The following PPM1H variants were observed in gnomAD, a reference collection of about 807,000 sequenced individuals.
The protein encoded by PPM1H is protein phosphatase 1H.
PPM1H carries 27 observed loss-of-function variants against 54.9 expected under a neutral mutation model. The ratio of observed to expected loss-of-function variants is 0.49; its 90% CI spans 0.36 to 0.68. The LOEUF is 0.68. Among genes scored for constraint, PPM1H ranks in the 30% least tolerant of loss-of-function variants. The pLI is 0.00. For missense variants in PPM1H, 596 were observed against 667.8 expected, an observed-to-expected ratio of 0.89 and a Z score of 1.19; for synonymous variants, 305 against 270.8, an observed-to-expected ratio of 1.13 and a Z score of -1.24.
chr12:62,771,637 C>T (rs2076580719), intron 4 of PPM1H, among the ~76,000 whole-genome samples: 1 of 152,146 alleles, frequency 6.6e-6, no homozygotes, highest in Admixed American at 6.5e-5. Context: ...TTACTATCTG[C>T]AGTAGTAGCA....
intron 1 of PPM1H, among the ~76,000 whole-genome samples, chr12:62,858,661 C>T (rs1475471295): frequency 6.6e-6 from 1 of 152,162 alleles, no homozygotes; most frequent in East Asian, 1.9e-4. Flanking sequence ...TCAAATTTTA[C>T]ACTGTGTCTA....
At position 62,730,501 on chromosome 12, in the gene PPM1H, T is replaced by G. The variant is rs116751522; in HGVS notation, c.954+7001A>C. On this transcript the variant is annotated intron_variant, in intron 5 of 9. Transcript: ENST00000228705. ...TAAATAAGATAAATGAGATGGCAGA[T>G]TCCACGACAGAAAATCTTTTGTAAA... 3.8e-3 allele frequency among the ~76,000 whole-genome samples: 583 copies of G among 152,320 alleles called. 5 individuals carry two copies. The highest frequency in any genetic ancestry group is 0.013 in the African/African-American group (545 of 41,572).
intron 4 of PPM1H, among the ~76,000 whole-genome samples, chr12:62,767,103 G>A (rs2076548398): frequency 1.3e-5 from 2 of 152,224 alleles, no homozygotes; most frequent in South Asian, 4.1e-4. Context: ...CTGCAGAGAG[G>A]TGGGAGGCTG....
At chr12:62,833,478 A>T (rs1276193052) in intron 1 of PPM1H, among the ~76,000 whole-genome samples, 1 of 152,156 alleles carries the variant, frequency 6.6e-6, no homozygotes, top group Non-Finnish European at 1.5e-5. Context: ...ACAGTACAAT[A>T]TCAAAACTGA....
In PPM1H at chr12:62,739,133, CTG is replaced by C. The variant is rs991003368; in HGVS notation, c.870-1549_870-1548del. ...AAATGGAAAAGTTTAGGGGAACTGA[CTG>C]TGAGAAGATGAGGCCTCTTATAATA... is the stretch of plus-strand genomic sequence containing the variant. On this transcript the variant is annotated intron_variant, in intron 4 of 9. Coordinates refer to ENST00000228705, the MANE Select transcript of PPM1H (RefSeq NM_020700.2). Among the ~76,000 whole-genome samples the C allele has an allele frequency of 2.6e-4, 40 of 151,794 alleles. No individual in the cohort carries two copies. The Middle Eastern group carries it at 0.014, about 52-fold the overall frequency.
intron 4 of PPM1H, among the ~76,000 whole-genome samples, chr12:62,775,053 C>G (rs1265820250): frequency 6.6e-6 from 1 of 152,190 alleles, no homozygotes; most frequent in East Asian, 1.9e-4. Context: ...AATAGGGGCC[C>G]TGCAACTTTC....
intron 2 of PPM1H, among the ~76,000 whole-genome samples, chr12:62,828,016 G>A (rs1868309224): frequency 6.6e-6 from 1 of 152,110 alleles, no homozygotes; most frequent in Non-Finnish European, 1.5e-5. Flanking sequence ...AGTTCAATAT[G>A]TTCAGTGGGT....
chr12:62,706,815 T>G (rs117358209), intron 6 of PPM1H, among the ~76,000 whole-genome samples: 4 of 152,158 alleles, frequency 2.6e-5, no homozygotes, highest in African/African-American at 9.7e-5. Context: ...ATTCTCTTCC[T>G]AAAATTAAAT....
At chr12:62,735,596 A>C (rs1163738294) in intron 5 of PPM1H, among the ~76,000 whole-genome samples, 1 of 152,178 alleles carries the variant, frequency 6.6e-6, no homozygotes, top group Admixed American at 6.5e-5. Flanking sequence ...GAATACTGGC[A>C]ATATGAGGTG....
At chr12:62,654,883 G>A (rs988634982) in intron 9 of PPM1H, among the ~76,000 whole-genome samples, 5 of 152,210 alleles carry the variant, frequency 3.3e-5, no homozygotes, top group African/African-American at 1.2e-4. Context: ...TGAGGGAGAA[G>A]TTTAGGGAAG....
intron 4 of PPM1H, among the ~76,000 whole-genome samples, chr12:62,762,450 T>C (rs867918725): frequency 6.6e-6 from 1 of 152,330 alleles, no homozygotes; most frequent in Non-Finnish European, 1.5e-5. Context: ...CATTCAATTG[T>C]AGACTCTGTT....
intron 4 of PPM1H, among the ~76,000 whole-genome samples, chr12:62,749,149 C>A (rs937577889): frequency 6.6e-6 from 1 of 152,192 alleles, no homozygotes; most frequent in African/African-American, 2.4e-5. Context: ...TTGAGCAAGG[C>A]CCCCAATGTA....
intron 2 of PPM1H, among the ~76,000 whole-genome samples, chr12:62,829,929 C>T (rs763604947): frequency 6.6e-6 from 1 of 152,232 alleles, no homozygotes; most frequent in Non-Finnish European, 1.5e-5. Context: ...AACACTAAGT[C>T]ACTGGCGCCC....
chr12:62,824,181 T>A (rs1868261254), intron 2 of PPM1H, among the ~76,000 whole-genome samples: 1 of 152,074 alleles, frequency 6.6e-6, no homozygotes, highest in Non-Finnish European at 1.5e-5. Flanking sequence ...TACCTAGGAA[T>A]CCAACTTACA....
chr12:62,877,445 C>T (rs769176387), intron 1 of PPM1H, among the ~76,000 whole-genome samples: 11 of 152,100 alleles, frequency 7.2e-5, no homozygotes, highest in Non-Finnish European at 1.5e-4. Flanking sequence ...CATCACTGCC[C>T]GAGCTCCTTC....
intron 4 of PPM1H, among the ~76,000 whole-genome samples, chr12:62,741,203 C>T (rs768421485): frequency 1.4e-4 from 21 of 152,130 alleles, no homozygotes; most frequent in Non-Finnish European, 2.6e-4. Flanking sequence ...TTTCTCACCC[C>T]ATATGTCCAA....
At chr12:62,891,132 G>A (rs73318248) in intron 1 of PPM1H, among the ~76,000 whole-genome samples, 2,104 of 149,366 alleles carry the variant, frequency 0.014, 64 homozygotes, top group African/African-American at 0.049. Flanking sequence ...AAAAGACTTG[G>A]CTGTTTGAAT....
intron 9 of PPM1H, 32 bp from the exon 10 acceptor site, chr12:62,648,668 G>A: frequency 6.2e-7 from 1 of 1,609,864 alleles, no homozygotes; most frequent in Non-Finnish European, 8.5e-7. Context: ...GAGACAGTCA[G>A]TAGAGCATCA....
At position 62,648,423 on chromosome 12, in the gene PPM1H, G is replaced by T; in HGVS notation, c.*66C>A. 1 of 1,581,916 alleles carries T rather than the reference G, an allele frequency of 6.3e-7. No individual in the cohort carries two copies. Among genetic ancestry groups the T allele is most frequent in the Non-Finnish European group, 8.6e-7 (1 of 1,158,982 alleles). On this transcript the variant is annotated 3_prime_UTR_variant, in exon 10 of 10. Coordinates refer to ENST00000228705, the MANE Select transcript of PPM1H (RefSeq NM_020700.2). Reference sequence around the variant, plus strand: ...TGGAACTCAGCTGGGGCACTTCCCAGTTCCGTCCTGCCAAGAGGCATCCCA... The same window carrying T: ...TGGAACTCAGCTGGGGCACTTCCCATTTCCGTCCTGCCAAGAGGCATCCCA...
Sources: gnomAD v4.1 joint callset for allele counts (sites outside exome capture counted in the v4.1 genomes callset) on GRCh38, gnomAD v4.1.1 for gene constraint, MANE v1.5 for transcripts, NCBI Gene and HGNC (gene_info 2026-07-23, HGNC 2026-07-21) for gene names.